UBE2E2: variants seen among roughly 807,000 people sequenced by gnomAD.
The protein encoded by UBE2E2 is ubiquitin-conjugating enzyme E2 E2.
UBE2E2 carries 6 observed loss-of-function variants against 24.7 expected under a neutral mutation model. The ratio of observed to expected loss-of-function variants is 0.24; its 90% CI spans 0.13 to 0.48. UBE2E2 has a LOEUF of 0.48. Among genes scored for constraint, UBE2E2 ranks in the 20% least tolerant of loss-of-function variants. The pLI is 0.99. For synonymous variants in UBE2E2, 104 were observed against 83.6 expected, an observed-to-expected ratio of 1.24 and a Z score of -1.33; for missense variants, 169 against 245.0, an observed-to-expected ratio of 0.69 and a Z score of 2.07.
chr3:23,245,746 T>C (rs554224057), intron 3 of UBE2E2, among the ~76,000 whole-genome samples: 5 of 152,318 alleles, frequency 3.3e-5, no homozygotes, highest in African/African-American at 7.2e-5. Context: ...ATATCTGTTA[T>C]CTTAGCATCT....
chr3:23,299,510 C>T (rs1000444749), intron 3 of UBE2E2, among the ~76,000 whole-genome samples: 1 of 152,070 alleles, frequency 6.6e-6, no homozygotes, highest in Non-Finnish European at 1.5e-5. Flanking sequence ...TTTCAAAGAA[C>T]ATCTTTATTT....
chr3:23,471,351 G>A (rs955945944), intron 3 of UBE2E2, among the ~76,000 whole-genome samples: 13 of 152,116 alleles, frequency 8.5e-5, no homozygotes, highest in African/African-American at 3.1e-4. Flanking sequence ...CAACCTCAAA[G>A]CTAAGTATCC....
intron 5 of UBE2E2, among the ~76,000 whole-genome samples, chr3:23,566,375 G>A (rs1696072714): frequency 6.6e-6 from 1 of 152,188 alleles, no homozygotes; most frequent in Non-Finnish European, 1.5e-5. Flanking sequence ...GCGAAGTTGT[G>A]TAACCAAGCT....
intron 3 of UBE2E2, among the ~76,000 whole-genome samples, chr3:23,454,044 C>G (rs35778452): frequency 0.11 from 16,998 of 152,058 alleles, 1,255 homozygotes; most frequent in African/African-American, 0.19. Context: ...GATTATGTTG[C>G]TAAATGTAAG....
chr3:23,335,705 T>A (rs1319224960), intron 3 of UBE2E2, among the ~76,000 whole-genome samples: 1 of 152,120 alleles, frequency 6.6e-6, no homozygotes, highest in Admixed American at 6.5e-5. Context: ...TGGCTAATTT[T>A]AAAATTTTTG....
chr3:23,298,940 C>G (rs1698993579), intron 3 of UBE2E2, among the ~76,000 whole-genome samples: 1 of 152,142 alleles, frequency 6.6e-6, no homozygotes, highest in Non-Finnish European at 1.5e-5. Flanking sequence ...GGTTGGTAAG[C>G]TATTAATTAT....
chr3:23,500,633 G>C (rs1315187107), intron 4 of UBE2E2, among the ~76,000 whole-genome samples: 1 of 152,150 alleles, frequency 6.6e-6, no homozygotes, highest in East Asian at 1.9e-4. Flanking sequence ...TTGTGGGTTG[G>C]AGTAAACAAT....
intron 3 of UBE2E2, among the ~76,000 whole-genome samples, chr3:23,313,366 T>A (rs1383839536): frequency 1.3e-5 from 2 of 148,682 alleles, no homozygotes; most frequent in Admixed American, 1.4e-4. Context: ...GTGTTTCTTG[T>A]AGGCAATGGA....
At chr3:23,262,681 G>T (rs545509848) in intron 3 of UBE2E2, among the ~76,000 whole-genome samples, 14 of 151,968 alleles carry the variant, frequency 9.2e-5, no homozygotes, top group African/African-American at 2.9e-4. Flanking sequence ...TAGATGTATG[G>T]TTTGTAAATG....
At chr3:23,252,307 C>G (rs1037796159) in intron 3 of UBE2E2, among the ~76,000 whole-genome samples, 1 of 151,990 alleles carries the variant, frequency 6.6e-6, no homozygotes, top group African/African-American at 2.4e-5. Context: ...ATAAACTATT[C>G]ATTAGTTTTT....
At chr3:23,529,065 G>T (rs1212502412) in intron 4 of UBE2E2, among the ~76,000 whole-genome samples, 2 of 152,148 alleles carry the variant, frequency 1.3e-5, no homozygotes, top group African/African-American at 2.4e-5. Flanking sequence ...CCTACTATAC[G>T]ATTCCATTTA....
Position 23,208,693 on chromosome 3 carries a change from A to G in UBE2E2, c.-7A>G, listed in dbSNP as rs773135099. On this transcript the variant is annotated splice_region_variant and 5_prime_UTR_variant, in exon 2 of 6. Coordinates refer to ENST00000396703, the MANE Select transcript of UBE2E2 (RefSeq NM_152653.4). ...ATGATTTTTGATTCTTTAATCCAGG[A>G]TCTAAAATGTCCACTGAGGCACAAA... is the stretch of plus-strand genomic sequence containing the variant. 6.3e-6 allele frequency: 10 copies of G among 1,598,350 alleles called. No homozygotes were observed. The East Asian group carries it at 2.2e-4, about 36-fold the overall frequency.
intron 3 of UBE2E2, among the ~76,000 whole-genome samples, chr3:23,223,025 C>CCT (rs1559445363): frequency 1.7e-5 from 1 of 60,318 alleles, no homozygotes; most frequent in Non-Finnish European, 3.0e-5. Flanking sequence ...CCCCCCCCCC[C>CCT]TTTTTTTTTT....
chr3:23,292,049 G>C (rs188035558), intron 3 of UBE2E2, among the ~76,000 whole-genome samples: 1 of 151,718 alleles, frequency 6.6e-6, no homozygotes, highest in African/African-American at 2.4e-5. Flanking sequence ...TAGTAGAGAC[G>C]GGGTTTCACC....
chr3:23,376,510 T>G (rs1286501323), intron 3 of UBE2E2, among the ~76,000 whole-genome samples: 1 of 152,170 alleles, frequency 6.6e-6, no homozygotes, highest in Non-Finnish European at 1.5e-5. Context: ...GTTGCCCAAT[T>G]AGGATGGAAG....
At chr3:23,545,118 C>T (rs924212775) in intron 5 of UBE2E2, among the ~76,000 whole-genome samples, 1 of 152,142 alleles carries the variant, frequency 6.6e-6, no homozygotes, top group Non-Finnish European at 1.5e-5. Context: ...ATTCCATTGC[C>T]CAGGGACGGG....
intron 2 of UBE2E2, among the ~76,000 whole-genome samples, chr3:23,214,736 A>G (rs1696426705): frequency 6.6e-6 from 1 of 152,090 alleles, no homozygotes; most frequent in African/African-American, 2.4e-5. Context: ...TTTAAAAACA[A>G]TTTTTAAAAG....
chr3:23,554,054 C>T (rs946663592), intron 5 of UBE2E2, among the ~76,000 whole-genome samples: 2 of 151,976 alleles, frequency 1.3e-5, no homozygotes, highest in Non-Finnish European at 2.9e-5. Flanking sequence ...AATCCTAAAA[C>T]TTACCAAAGA....
intron 3 of UBE2E2, among the ~76,000 whole-genome samples, chr3:23,234,097 A>G (rs1391207463): frequency 6.6e-6 from 1 of 152,056 alleles, no homozygotes; most frequent in Non-Finnish European, 1.5e-5. Flanking sequence ...AGATCTCATG[A>G]TTTTTGAGCT....
Sources: allele counts gnomAD v4.1 joint callset (sites outside exome capture counted in the v4.1 genomes callset), GRCh38; gene constraint gnomAD v4.1.1; transcripts MANE v1.5; gene names NCBI Gene and HGNC (gene_info 2026-07-23, HGNC 2026-07-21).